GRM5: variants seen among roughly 807,000 people sequenced by gnomAD.
GRM5 encodes glutamate metabotropic receptor 5.
Under a neutral mutation model 83.1 loss-of-function variants are expected in GRM5, and 19 were observed. The ratio of observed to expected loss-of-function variants is 0.23; its 90% confidence interval spans 0.16 to 0.34. GRM5 has a LOEUF of 0.34. Among genes scored for constraint, GRM5 ranks in the 10% least tolerant of loss-of-function variants. The pLI, the probability that GRM5 is intolerant of heterozygous loss-of-function variation, is 1.00. For missense variants in GRM5, 1,160 were observed against 1,588.3 expected, an observed-to-expected ratio of 0.73 and a Z score of 4.58; for synonymous variants, 675 against 633.6, an observed-to-expected ratio of 1.07 and a Z score of -0.98.
chr11:88,556,784 G>T (rs750185835), intron 8 of GRM5, among the ~76,000 whole-genome samples: 9 of 151,998 alleles, frequency 5.9e-5, no homozygotes, highest in Non-Finnish European at 1.0e-4. Context: ...GCATGTCTTC[G>T]CTGACAAGGC....
At chr11:89,045,710 G>A (rs537117095) in intron 2 of GRM5, among the ~76,000 whole-genome samples, 16 of 152,218 alleles carry the variant, frequency 1.1e-4, no homozygotes, top group African/African-American at 3.4e-4. Context: ...TTGCCACACC[G>A]TGACCAAGCA....
intron 3 of GRM5, among the ~76,000 whole-genome samples, chr11:88,786,536 T>G: frequency 6.6e-6 from 1 of 152,158 alleles, no homozygotes; most frequent in Non-Finnish European, 1.5e-5. Context: ...TCTTTGCTAC[T>G]TGCGCAATGT....
chr11:89,051,628 T>C (rs1202077025), intron 1 of GRM5, among the ~76,000 whole-genome samples: 2 of 152,060 alleles, frequency 1.3e-5, no homozygotes, highest in Non-Finnish European at 2.9e-5. Context: ...GAGAATCGCT[T>C]GAACCTGGGA....
At chr11:88,744,388 G>T (rs908160790) in intron 3 of GRM5, among the ~76,000 whole-genome samples, 1 of 152,132 alleles carries the variant, frequency 6.6e-6, no homozygotes, top group African/African-American at 2.4e-5. Context: ...TAGATATTCA[G>T]CAGTCATTGC....
chr11:88,843,538 C>T (rs1165900222), intron 3 of GRM5, among the ~76,000 whole-genome samples: 1 of 152,172 alleles, frequency 6.6e-6, no homozygotes, highest in East Asian at 1.9e-4. Flanking sequence ...CTCTCCCTCT[C>T]CTCAGGCCTC....
At chr11:88,720,538 A>C (rs1167255000) in intron 3 of GRM5, among the ~76,000 whole-genome samples, 1 of 151,866 alleles carries the variant, frequency 6.6e-6, no homozygotes, top group Non-Finnish European at 1.5e-5. Context: ...AAGGCTATGA[A>C]GTTTCACCCC....
chr11:88,823,664 G>A (rs1365834149), intron 3 of GRM5, among the ~76,000 whole-genome samples: 1 of 152,166 alleles, frequency 6.6e-6, no homozygotes, highest in African/African-American at 2.4e-5. Context: ...CAGGGAAGGA[G>A]ATACTCCCAC....
intron 2 of GRM5, among the ~76,000 whole-genome samples, chr11:88,872,348 T>C (rs1479500357): frequency 4.0e-5 from 6 of 151,754 alleles, no homozygotes; most frequent in African/African-American, 1.4e-4. Context: ...TTAGTAATCA[T>C]TTAAATTTTA....
chr11:88,638,327 G>T (rs975442875), intron 4 of GRM5, among the ~76,000 whole-genome samples: 6 of 151,790 alleles, frequency 4.0e-5, no homozygotes, highest in African/African-American at 1.5e-4. Flanking sequence ...TTAAAAAAAG[G>T]TATTATTAGA....
intron 2 of GRM5, among the ~76,000 whole-genome samples, chr11:88,992,329 AC>A (rs901122132): frequency 1.3e-5 from 2 of 152,062 alleles, no homozygotes; most frequent in East Asian, 3.9e-4. Flanking sequence ...ACCATCTCAT[AC>A]CAGTTAGAAT....
chr11:88,642,932 TC>T (rs1468797165), intron 4 of GRM5, among the ~76,000 whole-genome samples: 2 of 152,068 alleles, frequency 1.3e-5, no homozygotes, highest in Admixed American at 1.3e-4. Context: ...TTTCCTGAGC[TC>T]CCCCAAATCT....
At position 88,508,793 on chromosome 11, in the gene GRM5, G is replaced by A. The variant is rs1417198410; in HGVS notation, c.3438C>T (p.Ala1146=). Residue 1146 remains alanine, a synonymous_variant, in exon 10 of 10, where the codon GCC becomes GCT. Coordinates refer to ENST00000305447, the MANE Select transcript of GRM5 (RefSeq NM_001143831.3). The surrounding 1 kb of genome is among the most constrained non-coding windows in gnomAD (Gnocchi z 4.2). ...AGDAARESPA[A]GPEAAAAKPD... ...GCTTGGCGGCCGCAGCCTCGGGACC[G>A]GCCGCGGGGCTCTCCCGGGCCGCGT... The A allele has an allele frequency of 1.6e-5, 24 of 1,458,040 alleles. No individual in the cohort carries two copies. In the African/African-American group the frequency reaches 2.4e-4, roughly 15 times the overall value. The allele number at this position is 1,458,040 out of a possible 1,614,324, so 90.3% of individuals were successfully genotyped here.
intron 2 of GRM5, among the ~76,000 whole-genome samples, chr11:88,933,187 A>ATTTTTTTTT (rs57318577): frequency 1.9e-5 from 2 of 106,318 alleles, no homozygotes; most frequent in African/African-American, 3.6e-5. Context: ...TATTTGGGGC[A>ATTTTTTTTT]TTTTTTTTTT....
chr11:89,043,107 T>C (rs1218583720), intron 2 of GRM5, among the ~76,000 whole-genome samples: 1 of 152,168 alleles, frequency 6.6e-6, no homozygotes, highest in Non-Finnish European at 1.5e-5. Context: ...AACTAAAAAC[T>C]TACAAGTGCC....
chr11:88,603,606 A>T (rs1169151260), intron 5 of GRM5, among the ~76,000 whole-genome samples: 6 of 152,164 alleles, frequency 3.9e-5, no homozygotes, highest in Admixed American at 2.0e-4. Context: ...CAGCCTAGTT[A>T]TAGCAATATT....
intron 2 of GRM5, among the ~76,000 whole-genome samples, chr11:89,010,254 C>T (rs1465147929): frequency 3.9e-5 from 6 of 152,038 alleles, no homozygotes; most frequent in Non-Finnish European, 5.9e-5. Context: ...GAATATATGA[C>T]GTAACCATGA....
chr11:88,957,354 G>A (rs1938652079), intron 2 of GRM5, among the ~76,000 whole-genome samples: 1 of 152,234 alleles, frequency 6.6e-6, no homozygotes, highest in Non-Finnish European at 1.5e-5. Flanking sequence ...GAGGAGGACT[G>A]TGGATGTATT....
intron 6 of GRM5, among the ~76,000 whole-genome samples, chr11:88,596,076 G>A (rs906243900): frequency 3.3e-5 from 5 of 151,876 alleles, no homozygotes; most frequent in Admixed American, 6.6e-5. Flanking sequence ...CTAACCAATC[G>A]CTTTTTCTCT....
chr11:88,780,138 C>T (rs1250666774), intron 3 of GRM5, among the ~76,000 whole-genome samples: 3 of 152,088 alleles, frequency 2.0e-5, no homozygotes, highest in African/African-American at 7.2e-5. Flanking sequence ...ATCCTGTTTT[C>T]CTTGTGGCAC....
Sources: gnomAD v4.1 joint callset for allele counts (sites outside exome capture counted in the v4.1 genomes callset) on GRCh38, gnomAD v4.1.1 for gene constraint, Gnocchi (gnomAD v3.1) non-coding constraint, MANE v1.5 for transcripts, NCBI Gene and HGNC (gene_info 2026-07-23, HGNC 2026-07-21) for gene names.